The following PRKG1 variants were observed in gnomAD, a reference collection of about 807,000 sequenced individuals.
PRKG1 encodes cGMP-dependent protein kinase 1.
PRKG1 carries 35 observed loss-of-function variants against 88.1 expected under a neutral mutation model. The observed-to-expected ratio is 0.40, with a 90% CI of 0.30 to 0.53. The LOEUF is 0.53. Among genes scored for constraint, PRKG1 ranks in the 20% least tolerant of loss-of-function variants. The probability of loss-of-function intolerance (pLI) is 0.59; values close to 1 mark genes in which losing one functional copy is unlikely to be tolerated. For synonymous variants in PRKG1, 303 were observed against 292.5 expected, an observed-to-expected ratio of 1.04 and a Z score of -0.37; for missense variants, 540 against 839.8, an observed-to-expected ratio of 0.64 and a Z score of 4.41.
chr10:51,582,620 C>A (rs1167488056), intron 3 of PRKG1, among the ~76,000 whole-genome samples: 1 of 152,082 alleles, frequency 6.6e-6, no homozygotes, highest in Non-Finnish European at 1.5e-5. Flanking sequence ...CATGTTCCTG[C>A]AAAGGACATG....
intron 3 of PRKG1, among the ~76,000 whole-genome samples, chr10:51,486,647 A>T (rs369740127): frequency 6.6e-6 from 1 of 152,068 alleles, no homozygotes; most frequent in South Asian, 2.1e-4. Flanking sequence ...TCCATTCCGT[A>T]CTATTTGAGT....
At chr10:51,207,283 C>T (rs1049247037) in intron 2 of PRKG1, among the ~76,000 whole-genome samples, 2 of 152,090 alleles carry the variant, frequency 1.3e-5, no homozygotes, top group Non-Finnish European at 2.9e-5. Context: ...GCTGTTTCAC[C>T]CTTCCTTACG....
rs539597567 is a variant in PRKG1, at chr10:51,369,746, A to G, written c.479-97977A>G. 3.3e-5 allele frequency among the ~76,000 whole-genome samples: 5 copies of G among 152,164 alleles called. No homozygotes were observed. In the South Asian group the frequency reaches 1.0e-3, roughly 32 times the overall value. On this transcript the variant is annotated intron_variant, in intron 2 of 17. Transcript: ENST00000373980. ...TTACAACTCTCACCACCTTTATTAA[A>G]TAGAGGGATTTCCAAGTCAGTTTTT...
At chr10:51,876,223 TACAC>T (rs3029926) in intron 4 of PRKG1, among the ~76,000 whole-genome samples, 45 of 150,214 alleles carry the variant, frequency 3.0e-4, no homozygotes, top group Middle Eastern at 3.5e-3. Context: ...ATATTTGTGT[TACAC>T]ACACACACAC....
At chr10:51,251,641 G>A (rs1179297427) in intron 2 of PRKG1, among the ~76,000 whole-genome samples, 1 of 151,600 alleles carries the variant, frequency 6.6e-6, no homozygotes, top group Non-Finnish European at 1.5e-5. Flanking sequence ...AATCTAAAAG[G>A]TATTTTTTAC....
chr10:51,212,825 T>C (rs1838260361), intron 2 of PRKG1, among the ~76,000 whole-genome samples: 1 of 152,172 alleles, frequency 6.6e-6, no homozygotes. Context: ...CAACAGGTGC[T>C]GGAGAGGATG....
chr10:51,193,770 A>G (rs1322154316), intron 2 of PRKG1, among the ~76,000 whole-genome samples: 1 of 152,088 alleles, frequency 6.6e-6, no homozygotes, highest in Non-Finnish European at 1.5e-5. Flanking sequence ...TGTTCTCAAA[A>G]TGTGTAGTAA....
intron 3 of PRKG1, among the ~76,000 whole-genome samples, chr10:51,680,079 C>A (rs1266862451): frequency 6.6e-6 from 1 of 152,174 alleles, no homozygotes; most frequent in Non-Finnish European, 1.5e-5. Flanking sequence ...AGGCCACACA[C>A]GGGCCACCAC....
Position 52,084,651 on chromosome 10 carries a change from A to G in PRKG1, c.935+22020A>G, listed in dbSNP as rs146441507. 1.6e-4 allele frequency among the ~76,000 whole-genome samples: 24 copies of G among 152,090 alleles called. No homozygotes were observed. The East Asian group carries it at 4.4e-3, about 28-fold the overall frequency. On this transcript the variant is annotated intron_variant, in intron 7 of 17. Transcript: ENST00000373980. ...TTCAATCGTTCACCCTTTTCTCCCTAATGTCCCAATATATGTCACTCAGGA... is the reference window on the plus strand; with the variant it reads ...TTCAATCGTTCACCCTTTTCTCCCTGATGTCCCAATATATGTCACTCAGGA...
chr10:51,613,716 T>C (rs1339094363), intron 3 of PRKG1, among the ~76,000 whole-genome samples: 1 of 151,834 alleles, frequency 6.6e-6, no homozygotes, highest in Non-Finnish European at 1.5e-5. Flanking sequence ...ATTTTTTTAT[T>C]TTCATATAAA....
intron 7 of PRKG1, among the ~76,000 whole-genome samples, chr10:52,111,106 T>C (rs1847553205): frequency 6.6e-6 from 1 of 152,150 alleles, no homozygotes; most frequent in East Asian, 1.9e-4. Context: ...ATCAAATAAT[T>C]TATTTATCTT....
At chr10:51,860,690 G>A (rs983973625) in intron 4 of PRKG1, among the ~76,000 whole-genome samples, 3 of 152,154 alleles carry the variant, frequency 2.0e-5, no homozygotes, top group African/African-American at 7.2e-5. Flanking sequence ...GAGGGATGAT[G>A]TATTTGTGGA....
intron 2 of PRKG1, among the ~76,000 whole-genome samples, chr10:51,285,691 G>A (rs1472703193): frequency 6.6e-6 from 1 of 152,196 alleles, no homozygotes; most frequent in Non-Finnish European, 1.5e-5. Flanking sequence ...GGGGACAAAT[G>A]AGAGGATGGG....
intron 2 of PRKG1, among the ~76,000 whole-genome samples, chr10:51,370,344 T>C (rs2132606346): frequency 6.6e-6 from 1 of 152,260 alleles, no homozygotes; most frequent in African/African-American, 2.4e-5. Flanking sequence ...AAGAGTTTGG[T>C]TAAATTATTT....
At chr10:51,630,249 A>G (rs1443953370) in intron 3 of PRKG1, among the ~76,000 whole-genome samples, 2 of 152,192 alleles carry the variant, frequency 1.3e-5, no homozygotes, top group African/African-American at 4.8e-5. Flanking sequence ...ATCTCCTCTC[A>G]GAGCTGCACA....
intron 2 of PRKG1, among the ~76,000 whole-genome samples, chr10:51,159,657 G>T (rs1406063433): frequency 6.6e-6 from 1 of 151,972 alleles, no homozygotes; most frequent in Non-Finnish European, 1.5e-5. Context: ...TGCCATGTGG[G>T]GTATCGTGTT....
chr10:52,007,926 C>T (rs1175935305), intron 5 of PRKG1, among the ~76,000 whole-genome samples: 3 of 152,056 alleles, frequency 2.0e-5, no homozygotes, highest in Admixed American at 6.6e-5. Context: ...ACACCAAACA[C>T]AGTCTTGGGC....
chr10:51,188,995 A>G (rs999086330), intron 2 of PRKG1, among the ~76,000 whole-genome samples: 1 of 151,968 alleles, frequency 6.6e-6, no homozygotes, highest in Non-Finnish European at 1.5e-5. Context: ...GCACTAATGT[A>G]TCACTGGAAA....
At chr10:52,101,139 T>C (rs1847284037) in intron 7 of PRKG1, among the ~76,000 whole-genome samples, 1 of 152,160 alleles carries the variant, frequency 6.6e-6, no homozygotes, top group Non-Finnish European at 1.5e-5. Context: ...CTCTGCATTT[T>C]TATAATACTT....
Sources: gnomAD v4.1 joint callset for allele counts (sites outside exome capture counted in the v4.1 genomes callset) on GRCh38, gnomAD v4.1.1 for gene constraint, MANE v1.5 for transcripts, NCBI Gene and HGNC (gene_info 2026-07-23, HGNC 2026-07-21) for gene names.